The following ATXN1 variants were observed in gnomAD, a reference collection of about 807,000 sequenced individuals.
The protein encoded by ATXN1 is ataxin-1.
ATXN1 carries 8 observed loss-of-function variants against 56.4 expected under a neutral mutation model. That is an observed-to-expected ratio of 0.14 (90% CI 0.08 to 0.26). ATXN1 has a LOEUF of 0.26. Among genes scored for constraint, ATXN1 ranks in the 10% least tolerant of loss-of-function variants. The pLI, the probability that ATXN1 is intolerant of heterozygous loss-of-function variation, is 1.00. For missense variants in ATXN1, 987 were observed against 1,106.5 expected (o/e 0.89, Z 1.53); for synonymous variants, 514 against 494.6 (o/e 1.04, Z -0.52).
intron 6 of ATXN1, among the ~76,000 whole-genome samples, chr6:16,426,272 G>A (rs1192497359): frequency 1.9e-5 from 2 of 102,776 alleles, no homozygotes; most frequent in Admixed American, 1.1e-4. Flanking sequence ...GAGAGGGCTG[G>A]TGGGGAGGGT....
intron 3 of ATXN1, among the ~76,000 whole-genome samples, chr6:16,609,795 T>A (rs1295901056): frequency 6.6e-6 from 1 of 152,158 alleles, no homozygotes; most frequent in Non-Finnish European, 1.5e-5. Context: ...AAAAAATATT[T>A]ACTACTGGAA....
chr6:16,462,584 C>T (rs769269323), intron 6 of ATXN1, among the ~76,000 whole-genome samples: 42 of 152,090 alleles, frequency 2.8e-4, no homozygotes, highest in African/African-American at 6.8e-4. Context: ...TAGCTCCTGC[C>T]GGGACAAAAA....
At chr6:16,523,789 T>G (rs555179247) in intron 4 of ATXN1, among the ~76,000 whole-genome samples, 113 of 151,992 alleles carry the variant, frequency 7.4e-4, no homozygotes, top group African/African-American at 2.7e-3. Context: ...CCAAACAAAG[T>G]GTGGGAAAGA....
intron 2 of ATXN1, among the ~76,000 whole-genome samples, chr6:16,660,832 GTTTTTTT>G (rs754718969): frequency 1.1e-5 from 1 of 93,018 alleles, no homozygotes; most frequent in South Asian, 3.8e-4. Context: ...TTTTGTTTTG[GTTTTTTT>G]TTTTTTTTTT....
intron 3 of ATXN1, among the ~76,000 whole-genome samples, chr6:16,625,013 AC>A (rs1314793053): frequency 6.6e-6 from 1 of 152,224 alleles, no homozygotes; most frequent in African/African-American, 2.4e-5. Context: ...TTCGGAGGAC[AC>A]TTTTTTAAAT....
intron 3 of ATXN1, among the ~76,000 whole-genome samples, chr6:16,598,420 A>G (rs778486030): frequency 8.5e-5 from 13 of 152,234 alleles, no homozygotes; most frequent in Non-Finnish European, 1.3e-4. Context: ...ATGCATATGC[A>G]TATTTTAAAA....
intron 2 of ATXN1, among the ~76,000 whole-genome samples, chr6:16,664,935 T>G (rs940780613): frequency 1.3e-5 from 2 of 152,142 alleles, no homozygotes; most frequent in African/African-American, 2.4e-5. Context: ...GCATACTACA[T>G]GAAATAACAT....
chr6:16,530,735 G>A (rs1422795946), intron 4 of ATXN1, among the ~76,000 whole-genome samples: 1 of 152,060 alleles, frequency 6.6e-6, no homozygotes, highest in Non-Finnish European at 1.5e-5. Context: ...ACCTGCACAC[G>A]TACATCTGAA....
At chr6:16,607,522 A>C (rs1159775297) in intron 3 of ATXN1, among the ~76,000 whole-genome samples, 1 of 152,172 alleles carries the variant, frequency 6.6e-6, no homozygotes, top group East Asian at 1.9e-4. Flanking sequence ...GTGTAACTTC[A>C]AAATGGAATG....
intron 5 of ATXN1, among the ~76,000 whole-genome samples, chr6:16,489,215 A>G (rs1760609344): frequency 6.6e-6 from 1 of 152,146 alleles, no homozygotes; most frequent in East Asian, 1.9e-4. Context: ...TCCTAACAGC[A>G]TCTAGTGGAA....
At chr6:16,529,985 G>A (rs1211456231) in intron 4 of ATXN1, among the ~76,000 whole-genome samples, 1 of 152,162 alleles carries the variant, frequency 6.6e-6, no homozygotes, top group African/African-American at 2.4e-5. Flanking sequence ...GTCCGTGAAT[G>A]TCCCCAAGTT....
In ATXN1 at chr6:16,305,514, C is replaced by T. The variant is rs376832186; in HGVS notation, c.*815G>A. 1 of 152,458 alleles carries T rather than the reference C, an allele frequency of 6.6e-6. No homozygotes were observed. Among genetic ancestry groups the T allele is most frequent in the Non-Finnish European group, 1.5e-5 (1 of 68,082 alleles). 9.4% of individuals were successfully genotyped at this position (152,458 alleles called of 1,614,324 possible). The stretch of plus-strand genomic sequence containing the variant: ...CTCCCTCTCCCCCACCCCCAACCCC[C>T]CTTACCCCATGTGGGGCCATGACAG... On this transcript the variant is annotated 3_prime_UTR_variant, in exon 8 of 8. Transcript: ENST00000436367.
intron 7 of ATXN1, among the ~76,000 whole-genome samples, chr6:16,309,100 C>A (rs146861435): frequency 1.0e-3 from 152 of 151,284 alleles, no homozygotes; most frequent in African/African-American, 3.4e-3. Flanking sequence ...TGTGGTGATG[C>A]GTGCCTGTAG....
intron 6 of ATXN1, among the ~76,000 whole-genome samples, chr6:16,333,973 G>C (rs187586512): frequency 6.6e-6 from 1 of 152,260 alleles, no homozygotes; most frequent in East Asian, 1.9e-4. Flanking sequence ...ATGGTTGACT[G>C]AACAGGCATG....
rs560125745 is a variant in ATXN1 at position 16,415,307 on chromosome 6, G to A, written c.-161+70665C>T. On this transcript the variant is annotated intron_variant, in intron 6 of 7. Coordinates refer to ENST00000436367, the MANE Select transcript of ATXN1 (RefSeq NM_001128164.2). ...TGAAATGGTGCGATCTCGGCTCACT[G>A]CAACCTCTGCCTCCTGGGTTCAAGA... is the stretch of plus-strand genomic sequence containing the variant. 2.6e-3 allele frequency among the ~76,000 whole-genome samples: 399 copies of A among 152,250 alleles called. 3 individuals carry two copies. The highest frequency in any genetic ancestry group is 9.0e-3 in the African/African-American group (374 of 41,542).
intron 6 of ATXN1, among the ~76,000 whole-genome samples, chr6:16,357,750 G>T (rs566174006): frequency 3.8e-4 from 58 of 152,272 alleles, no homozygotes; most frequent in African/African-American, 1.3e-3. Context: ...ACAAAAAATT[G>T]GCAAGGCTCG....
At chr6:16,538,963 G>A (rs149274017) in intron 4 of ATXN1, among the ~76,000 whole-genome samples, 1 of 152,246 alleles carries the variant, frequency 6.6e-6, no homozygotes, top group Non-Finnish European at 1.5e-5. Flanking sequence ...TGGGATTACA[G>A]GCATGAGTCA....
intron 3 of ATXN1, among the ~76,000 whole-genome samples, chr6:16,617,834 A>AGAT (rs1011741981): frequency 1.3e-5 from 2 of 151,876 alleles, no homozygotes; most frequent in African/African-American, 4.8e-5. Flanking sequence ...TACTTAATAA[A>AGAT]GATGATGTCT....
At chr6:16,523,861 G>A (rs557414016) in intron 4 of ATXN1, among the ~76,000 whole-genome samples, 5 of 151,862 alleles carry the variant, frequency 3.3e-5, no homozygotes, top group East Asian at 1.9e-4. Flanking sequence ...AGGGAGCGAC[G>A]GCAACAGACT....
Sources: gnomAD v4.1 joint callset for allele counts (sites outside exome capture counted in the v4.1 genomes callset) on GRCh38, gnomAD v4.1.1 for gene constraint, MANE v1.5 for transcripts, NCBI Gene and HGNC (gene_info 2026-07-23, HGNC 2026-07-21) for gene names.